Variants in MYO16 observed in about 807,000 individuals in gnomAD.
The protein encoded by MYO16 is unconventional myosin-XVI.
MYO16 carries 94 observed loss-of-function variants against 205.3 expected under a neutral mutation model. That is an observed-to-expected ratio of 0.46 (90% confidence interval 0.39 to 0.54). The LOEUF is 0.54. Ranked by LOEUF, MYO16 falls within the 20% of genes least tolerant of loss-of-function variation. The pLI is 0.00. For synonymous variants in MYO16, 988 were observed against 954.0 expected, an observed-to-expected ratio of 1.04 and a Z score of -0.66; for missense variants, 2,315 against 2,387.5, an observed-to-expected ratio of 0.97 and a Z score of 0.63.
chr13:108,822,828 T>G (rs1273813351), intron 8 of MYO16, among the ~76,000 whole-genome samples: 1 of 152,134 alleles, frequency 6.6e-6, no homozygotes, highest in Non-Finnish European at 1.5e-5. Context: ...TGAAATGACA[T>G]TAAGTTTGCT....
chr13:109,110,303 C>T (rs764114547), intron 28 of MYO16, among the ~76,000 whole-genome samples: 6 of 152,216 alleles, frequency 3.9e-5, no homozygotes, highest in Non-Finnish European at 8.8e-5. Context: ...TTTAAGCACT[C>T]TTGACCATAT....
intron 2 of MYO16, among the ~76,000 whole-genome samples, chr13:108,697,850 G>A (rs1161743367): frequency 6.6e-6 from 1 of 151,984 alleles, no homozygotes; most frequent in East Asian, 1.9e-4. Context: ...AGCCTCCCCA[G>A]TAGCTGGGGC....
chr13:108,717,648 A>C (rs1186256036), intron 3 of MYO16, among the ~76,000 whole-genome samples: 1 of 151,686 alleles, frequency 6.6e-6, no homozygotes, highest in Non-Finnish European at 1.5e-5. Flanking sequence ...AAAAAAAAAA[A>C]AATTGAGCCA....
chr13:108,959,304 T>C (rs1008983973), intron 17 of MYO16, among the ~76,000 whole-genome samples: 5 of 152,216 alleles, frequency 3.3e-5, no homozygotes, highest in Non-Finnish European at 5.9e-5. Flanking sequence ...TACTTTTTTG[T>C]TTTGATTTTT....
chr13:108,541,367 TTA>T, the MYO16 span, among the ~76,000 whole-genome samples: 2 of 150,984 alleles, frequency 1.3e-5, no homozygotes, highest in Non-Finnish European at 3.0e-5. Flanking sequence ...ATCTATTAAT[TTA>T]TATATTTGTT....
intron 2 of MYO16, among the ~76,000 whole-genome samples, chr13:108,694,705 A>T (rs1241203557): frequency 6.6e-6 from 1 of 152,112 alleles, no homozygotes; most frequent in Non-Finnish European, 1.5e-5. Context: ...CACATTTTTT[A>T]AAAAGTTTTG....
chr13:108,581,900 AAAAAAG>A, the MYO16 span, among the ~76,000 whole-genome samples: 2 of 151,694 alleles, frequency 1.3e-5, no homozygotes, highest in African/African-American at 2.4e-5. Flanking sequence ...AAAGAAAAAA[AAAAAAG>A]AAAAAGAAAA....
chr13:109,140,465 T>C lies in MYO16; in HGVS notation c.4253T>C (p.Leu1418Pro). 6.5e-7 allele frequency: 1 copy of C among 1,536,510 alleles called. No individual in the cohort carries two copies. The highest frequency in any genetic ancestry group is 8.7e-7 in the Non-Finnish European group (1 of 1,150,030). Residue 1418 changes from leucine to proline, a missense_variant, in exon 32 of 35, where the codon CTG (leucine) becomes CCG (proline). Leu to Pro is a moderately conservative substitution (Grantham distance 98). Around this residue, in one of 3 missense-constraint regions of MYO16, gnomAD observed 1,097 missense variants for 1,092.0 expected, o/e 1.00. Coordinates refer to ENST00000457511, the MANE Select transcript of MYO16 (RefSeq NM_001198950.3). The surrounding 1 kb of genome is among the most constrained non-coding windows in gnomAD (Gnocchi z 8.0). The part of the protein sequence containing the change: ...VLTPGTPQCA[L>P]PPAAPPGDED... ...ACCCCCGGGACTCCGCAGTGCGCGC[T>C]GCCCCCGGCGGCGCCTCCGGGTGAC...
At chr13:108,911,632 G>A (rs192179007) in intron 16 of MYO16, among the ~76,000 whole-genome samples, 1 of 152,302 alleles carries the variant, frequency 6.6e-6, no homozygotes, top group Admixed American at 6.5e-5. Context: ...CTTCAGAGTT[G>A]TCTGGAAGTG....
intron 23 of MYO16, among the ~76,000 whole-genome samples, chr13:109,033,187 C>T (rs1424920743): frequency 6.6e-6 from 1 of 152,124 alleles, no homozygotes; most frequent in Non-Finnish European, 1.5e-5. Flanking sequence ...CATGTTTTCA[C>T]CCTTTGCCCA....
the MYO16 span, among the ~76,000 whole-genome samples, chr13:108,507,083 T>G: frequency 1.3e-5 from 2 of 152,154 alleles, no homozygotes; most frequent in Non-Finnish European, 1.5e-5. Flanking sequence ...CATTCTTCTC[T>G]TGTCATGTTG....
At position 108,629,617 on chromosome 13, in the gene MYO16, G is replaced by A. The variant is rs1462536471; in HGVS notation, c.-228G>A. ...GTGCTACAATAGCACGTGCACCAGT[G>A]GTGCCTCAAGACCCACCGGGGAGAG... On this transcript the variant is annotated 5_prime_UTR_variant, in exon 1 of 35. Coordinates refer to ENST00000457511, the MANE Select transcript of MYO16 (RefSeq NM_001198950.3). 1 of 489,524 alleles carries A rather than the reference G, an allele frequency of 2.0e-6. No individual in the cohort carries two copies. Among genetic ancestry groups the A allele is most frequent in the African/African-American group, 1.9e-5 (1 of 52,396 alleles). The allele number at this position is 489,524 out of a possible 1,614,324, so 30.3% of individuals were successfully genotyped here.
At chr13:108,882,583 C>T (rs937715310) in intron 12 of MYO16, among the ~76,000 whole-genome samples, 2 of 152,038 alleles carry the variant, frequency 1.3e-5, no homozygotes, top group Non-Finnish European at 2.9e-5. Flanking sequence ...TATAAATCAC[C>T]GTTTCTCTAA....
chr13:108,868,587 T>TA (rs796678028), intron 12 of MYO16, among the ~76,000 whole-genome samples: 2 of 152,076 alleles, frequency 1.3e-5, no homozygotes, highest in Admixed American at 6.5e-5. Context: ...GATTCATTTT[T>TA]AAAAAATGTA....
chr13:108,786,540 G>T (rs950401417), intron 5 of MYO16, among the ~76,000 whole-genome samples: 1 of 152,198 alleles, frequency 6.6e-6, no homozygotes, highest in Non-Finnish European at 1.5e-5. Context: ...AGCTTATGCA[G>T]ATACTCTTTT....
intron 9 of MYO16, among the ~76,000 whole-genome samples, chr13:108,827,111 T>C (rs1876314478): frequency 6.6e-6 from 1 of 152,160 alleles, no homozygotes; most frequent in Admixed American, 6.6e-5. Context: ...GAGTTTTATA[T>C]ATAAGAACAA....
At chr13:109,037,836 A>G (rs1886763940) in intron 23 of MYO16, among the ~76,000 whole-genome samples, 1 of 152,170 alleles carries the variant, frequency 6.6e-6, no homozygotes, top group African/African-American at 2.4e-5. Context: ...AAGGTATGTC[A>G]CTGAGCAAGG....
intron 4 of MYO16, among the ~76,000 whole-genome samples, chr13:108,778,786 A>G (rs1161412268): frequency 6.6e-6 from 1 of 152,198 alleles, no homozygotes; most frequent in Non-Finnish European, 1.5e-5. Flanking sequence ...ATTACATTAA[A>G]TTTTGTATTG....
At chr13:109,096,379 G>T (rs142897120) in intron 27 of MYO16, among the ~76,000 whole-genome samples, 8 of 152,148 alleles carry the variant, frequency 5.3e-5, no homozygotes, top group Non-Finnish European at 1.2e-4. Context: ...ATTGGATTAG[G>T]CCCTACCCTA....
Sources: gnomAD v4.1 joint callset for allele counts (sites outside exome capture counted in the v4.1 genomes callset) on GRCh38, gnomAD v4.1.1 for gene constraint, gnomAD v4.1.1 regional missense constraint, Gnocchi (gnomAD v3.1) non-coding constraint, MANE v1.5 for transcripts, NCBI Gene and HGNC (gene_info 2026-07-23, HGNC 2026-07-21) for gene names.